LRP1B: variants seen among roughly 807,000 people sequenced by gnomAD.
The protein encoded by LRP1B is LDL receptor related protein 1B.
LRP1B carries 217 observed loss-of-function variants against 556.6 expected under a neutral mutation model. That is an observed-to-expected ratio of 0.39 (90% CI 0.35 to 0.44). LRP1B has a LOEUF of 0.44. LRP1B is among the 20% of genes least tolerant of loss of function. The probability of loss-of-function intolerance (pLI) is 1.00; values close to 1 mark genes in which losing one functional copy is unlikely to be tolerated. For missense variants in LRP1B, 5,053 were observed against 5,620.8 expected (o/e 0.90, Z 3.23); for synonymous variants, 2,047 against 1,865.8 (o/e 1.10, Z -2.50).
chr2:140,711,315 T>C (rs1178510957), intron 37 of LRP1B, among the ~76,000 whole-genome samples: 1 of 151,932 alleles, frequency 6.6e-6, no homozygotes, highest in African/African-American at 2.4e-5. Context: ...AAGCTCATAG[T>C]ACCTCATCTT....
chr2:141,227,790 A>G (rs1683303584), intron 6 of LRP1B, among the ~76,000 whole-genome samples: 1 of 152,340 alleles, frequency 6.6e-6, no homozygotes, highest in African/African-American at 2.4e-5. Flanking sequence ...TTCTTTACAT[A>G]AGGGTTAATA....
chr2:141,173,724 G>A (rs902345636), intron 7 of LRP1B, among the ~76,000 whole-genome samples: 1 of 151,992 alleles, frequency 6.6e-6, no homozygotes, highest in African/African-American at 2.4e-5. Context: ...TAATTAGGAT[G>A]TAGCTGAGGA....
chr2:141,409,560 A>G (rs1690771938), intron 3 of LRP1B, among the ~76,000 whole-genome samples: 1 of 152,098 alleles, frequency 6.6e-6, no homozygotes, highest in Non-Finnish European at 1.5e-5. Flanking sequence ...TCATTCATCC[A>G]AGAAATATTT....
intron 6 of LRP1B, among the ~76,000 whole-genome samples, chr2:141,219,994 A>G (rs144890523): frequency 6.6e-6 from 1 of 152,214 alleles, no homozygotes; most frequent in African/African-American, 2.4e-5. Flanking sequence ...CAAAATGCTG[A>G]AAACTCAAAA....
chr2:140,488,114 G>A lies in LRP1B; in HGVS notation c.9121-375C>T, dbSNP rs987067661. Among the ~76,000 whole-genome samples the A allele has an allele frequency of 5.9e-5, 9 of 151,958 alleles. No individual in the cohort carries two copies. In the East Asian group the frequency reaches 1.7e-3, roughly 29 times the overall value. ...TTTATGTCATTATAGTCTGTTCCAT[G>A]GAAGAGCCTGAAAAAAGCATATATC... On this transcript the variant is annotated intron_variant, in intron 57 of 90. Transcript: ENST00000389484.
At chr2:140,721,008 C>G (rs412067) in intron 35 of LRP1B, among the ~76,000 whole-genome samples, 123,976 of 151,932 alleles carry the variant, frequency 0.82, 50,751 homozygotes, top group Middle Eastern at 0.85. Flanking sequence ...TTTTCTTCAT[C>G]CCCCATTTTC....
intron 3 of LRP1B, among the ~76,000 whole-genome samples, chr2:141,406,443 A>T (rs1690637176): frequency 6.6e-6 from 1 of 151,910 alleles, no homozygotes; most frequent in African/African-American, 2.4e-5. Flanking sequence ...TAAAGGCAAA[A>T]TATGAAGAAT....
intron 43 of LRP1B, among the ~76,000 whole-genome samples, chr2:140,553,627 G>C (rs955528462): frequency 2.0e-5 from 3 of 152,018 alleles, no homozygotes; most frequent in Non-Finnish European, 2.9e-5. Context: ...GATTGTATCA[G>C]TTAAGCCTGA....
At chr2:141,536,703 CAG>C (rs904078004) in intron 2 of LRP1B, among the ~76,000 whole-genome samples, 7 of 151,982 alleles carry the variant, frequency 4.6e-5, no homozygotes, top group African/African-American at 1.7e-4. Context: ...TCATATTAAA[CAG>C]AGACTTCTTT....
In LRP1B at chr2:140,700,373, C is replaced by T. The variant is rs2105420342; in HGVS notation, c.6676G>A (p.Ala2226Thr). 6.2e-7 allele frequency: 1 copy of T among 1,613,356 alleles called. No individual in the cohort carries two copies. Among genetic ancestry groups the T allele is most frequent in the Non-Finnish European group, 8.5e-7 (1 of 1,179,616 alleles). Residue 2226 changes from alanine (A) to threonine (T), a missense_variant, in exon 41 of 91, where the codon GCC becomes ACC. Coordinates refer to ENST00000389484, the MANE Select transcript of LRP1B (RefSeq NM_018557.3). ...ENPRYFKNVI[A>T]LAFDYNQRRK... ...CTTTGATTATAGTCAAAAGCCAAGG[C>T]TATGACATTCTTGAAATAACGTGGA...
At chr2:140,547,742 C>G (rs949092889) in intron 43 of LRP1B, among the ~76,000 whole-genome samples, 2 of 152,044 alleles carry the variant, frequency 1.3e-5, no homozygotes, top group African/African-American at 4.8e-5. Flanking sequence ...TTCTGCCTTA[C>G]CAAATTCCAA....
chr2:141,325,581 C>T (rs1202912172), intron 3 of LRP1B, among the ~76,000 whole-genome samples: 1 of 151,940 alleles, frequency 6.6e-6, no homozygotes, highest in Non-Finnish European at 1.5e-5. Context: ...CTTAGCTGGT[C>T]TTTGTATTCC....
At chr2:141,514,567 C>A (rs1007643294) in intron 2 of LRP1B, among the ~76,000 whole-genome samples, 2 of 152,000 alleles carry the variant, frequency 1.3e-5, no homozygotes, top group Non-Finnish European at 2.9e-5. Flanking sequence ...GGGCACAGGT[C>A]AGAAAAGAGC....
At chr2:141,477,309 A>G (rs1573992364) in intron 3 of LRP1B, among the ~76,000 whole-genome samples, 2 of 151,952 alleles carry the variant, frequency 1.3e-5, no homozygotes, top group East Asian at 3.9e-4. Flanking sequence ...AAAAAAAAAA[A>G]AAAGAAAGAA....
intron 1 of LRP1B, among the ~76,000 whole-genome samples, chr2:142,013,269 G>A (rs1358798138): frequency 6.6e-6 from 1 of 152,050 alleles, no homozygotes; most frequent in Non-Finnish European, 1.5e-5. Flanking sequence ...TAATGTGGAG[G>A]CTCTTAAAGG....
chr2:140,234,789 A>G lies in LRP1B; in HGVS notation c.13656T>C (p.Ala4552=), dbSNP rs1320690764. ...LNSDLKGPLT[A]GPTNYSNPVY... ...ATAACGAATATTCTTCTCTCACCCC[A>G]GCAGTTAGTGGTCCTTTCAAATCAG... is the stretch of plus-strand genomic sequence containing the variant. The change falls in exon 90 of 91, where the codon GCT becomes GCC. Residue 4552 remains alanine (A), a synonymous_variant. Coordinates refer to ENST00000389484, the MANE Select transcript of LRP1B (RefSeq NM_018557.3). 7.7e-6 allele frequency: 6 copies of G among 774,370 alleles called. No individual in the cohort carries two copies. In the South Asian group the frequency reaches 8.1e-5, roughly 10 times the overall value. 48.0% of individuals were successfully genotyped at this position (774,370 alleles called of 1,614,324 possible). A position where few individuals can be genotyped will look rare whatever the true frequency, so the allele number is the denominator to read the frequency against.
intron 35 of LRP1B, among the ~76,000 whole-genome samples, chr2:140,747,915 G>C (rs1688372694): frequency 6.6e-6 from 1 of 151,338 alleles, no homozygotes; most frequent in Non-Finnish European, 1.5e-5. Context: ...GCAAATGCGA[G>C]ACTATTTTCA....
chr2:142,081,930 G>A (rs1427263666), intron 1 of LRP1B, among the ~76,000 whole-genome samples: 1 of 152,168 alleles, frequency 6.6e-6, no homozygotes, highest in African/African-American at 2.4e-5. Context: ...CCTGGAAAAG[G>A]TTAAGTAACT....
chr2:140,769,090 A>G, intron 35 of LRP1B, 123 bp downstream of exon 35: 2 of 882,550 alleles, frequency 2.3e-6, no homozygotes, highest in Non-Finnish European at 3.4e-6. Flanking sequence ...ATATTTATCT[A>G]TTTGCTGCTT....
Sources: gnomAD v4.1 joint callset for allele counts (sites outside exome capture counted in the v4.1 genomes callset) on GRCh38, gnomAD v4.1.1 for gene constraint, MANE v1.5 for transcripts, NCBI Gene and HGNC (gene_info 2026-07-23, HGNC 2026-07-21) for gene names.